Variants in SLC1A6 observed in about 807,000 individuals in gnomAD.
The protein encoded by SLC1A6 is excitatory amino acid transporter 4.
A neutral mutation model predicts 42.1 loss-of-function variants in SLC1A6; 15 were observed. The ratio of observed to expected loss-of-function variants is 0.36; its 90% CI spans 0.24 to 0.55. The LOEUF is 0.55. Among genes scored for constraint, SLC1A6 ranks in the 20% least tolerant of loss-of-function variants. The probability of loss-of-function intolerance (pLI) is 0.88; values close to 1 mark genes in which losing one functional copy is unlikely to be tolerated. For missense variants in SLC1A6, 542 were observed against 772.5 expected (o/e 0.70, Z 3.54); for synonymous variants, 317 against 319.7 (o/e 0.99, Z 0.09).
At chr19:14,992,956 C>T (rs564359227) in intron 1 of SLC1A6, among the ~76,000 whole-genome samples, 98 of 152,190 alleles carry the variant, frequency 6.4e-4, no homozygotes, top group Middle Eastern at 3.4e-3. Flanking sequence ...ATCCCCGCAG[C>T]CCCCAGAGTC....
At chr19:15,000,317 A>T (rs1272526886) in intron 1 of SLC1A6, among the ~76,000 whole-genome samples, 1 of 152,170 alleles carries the variant, frequency 6.6e-6, no homozygotes, top group East Asian at 1.9e-4. Context: ...GATCTGTTGA[A>T]CTTATTCTTC....
In SLC1A6 at chr19:14,979,839, A is replaced by G. The variant is rs8110334; in HGVS notation, c.-538T>C. On this transcript the variant is annotated 5_prime_UTR_variant, in exon 1 of 10. Coordinates refer to ENST00000594383, the MANE Select transcript of SLC1A6 (RefSeq NM_005071.3). This position sits in a 1 kb window ranked among gnomAD's most constrained non-coding sequence, Gnocchi z 4.2. ...CGCAGCCGTGTGGGAGAAGGGGGAC[A>G]GCGTGCTTGCGAAGGGAGGGGGACT... 7.3e-6 allele frequency: 1 copy of G among 137,542 alleles called. No individual in the cohort carries two copies. Among genetic ancestry groups the G allele is most frequent in the African/African-American group, 2.7e-5 (1 of 37,684 alleles). The allele number at this position is 137,542 out of a possible 1,614,324, so 8.5% of individuals were successfully genotyped here.
At chr19:15,007,229 G>A (rs1009304956) in intron 1 of SLC1A6, among the ~76,000 whole-genome samples, 6 of 152,206 alleles carry the variant, frequency 3.9e-5, no homozygotes, top group Admixed American at 2.0e-4. Flanking sequence ...GCACTGATCC[G>A]TGCTACAACA....
intron 6 of SLC1A6, 140 bp from the exon 7 acceptor site, chr19:14,956,849 G>A (rs1268748605): frequency 2.4e-5 from 14 of 592,146 alleles, no homozygotes; most frequent in Non-Finnish European, 4.2e-5. Flanking sequence ...CTCCATCCCA[G>A]TCTTCCCCGT....
At position 14,996,528 on chromosome 19, in the gene SLC1A6, T is replaced by TTTCTTCTTCTTCCTC. The variant is rs2045846947; in HGVS notation, c.6+13956_6+13957insGAGGAAGAAGAAGAA. ...CCTCCTCCTCCCTCTCCTCCTCCTC[T>TTTCTTCTTCTTCCTC]TTCTTCTTCTTCTTCTTCTTCTTCT... On this transcript the variant is annotated intron_variant, in intron 1 of 8. Coordinates refer to the SLC1A6 transcript ENST00000430939. 7.9e-5 allele frequency among the ~76,000 whole-genome samples: 10 copies of TTTCTTCTTCTTCCTC among 125,952 alleles called. No individual in the cohort carries two copies. In the South Asian group the frequency reaches 2.1e-3, roughly 27 times the overall value. 82.6% of individuals were successfully genotyped at this position (125,952 alleles called of 152,430 possible).
chr19:14,996,334 G>A (rs1000213373), intron 1 of SLC1A6, among the ~76,000 whole-genome samples: 1 of 152,214 alleles, frequency 6.6e-6, no homozygotes, highest in African/African-American at 2.4e-5. Context: ...TGTTTGATGG[G>A]CACTGAGTTT....
At chr19:14,993,525 G>A (rs550947078) in intron 1 of SLC1A6, among the ~76,000 whole-genome samples, 88 of 152,168 alleles carry the variant, frequency 5.8e-4, no homozygotes, top group African/African-American at 2.1e-3. Context: ...CTTTCTGCCC[G>A]GCATTGTACT....
intron 1 of SLC1A6, among the ~76,000 whole-genome samples, chr19:14,976,026 C>G (rs763029615): frequency 1.3e-5 from 2 of 152,130 alleles, no homozygotes; most frequent in Non-Finnish European, 2.9e-5. Context: ...TGCCCTTCTT[C>G]CAGGCATACT....
At chr19:14,986,622 CCT>C (rs2045794131) in intron 1 of SLC1A6, among the ~76,000 whole-genome samples, 2 of 151,176 alleles carry the variant, frequency 1.3e-5, no homozygotes, top group Non-Finnish European at 2.9e-5. Context: ...ACAGGGTCTC[CCT>C]CTGTCACCCA....
At position 14,972,729 on chromosome 19, in the gene SLC1A6, A is replaced by G. The variant is rs1158332022; in HGVS notation, c.182T>C (p.Leu61Pro). 1 of 1,614,030 alleles carries G rather than the reference A, an allele frequency of 6.2e-7. No individual in the cohort carries two copies. The highest frequency in any genetic ancestry group is 1.3e-5 in the African/African-American group (1 of 75,076). The change falls in exon 2 of 10, where the codon CTG becomes CCG. Residue 61 changes from leucine to proline, a missense_variant. By Grantham distance (98) the Leu-to-Pro change is moderately conservative. Transcript: ENST00000594383. The part of the protein sequence containing the change: ...RFLRRNAFIL[L>P]TVSAVVIGVS... ...ACCAATGACCACGGCGCTGACCGTC[A>G]GCAGAATGAAGGCGTTTCGGCGCAG...
rs560317361 is a variant in SLC1A6, at chr19:14,970,727, T to C, written c.343+1010A>G. Among the ~76,000 whole-genome samples the C allele has an allele frequency of 1.9e-4, 28 of 150,802 alleles. No homozygotes were observed. In the South Asian group the frequency reaches 4.4e-3, roughly 24 times the overall value. On this transcript the variant is annotated intron_variant, in intron 3 of 9. Coordinates refer to ENST00000594383, the MANE Select transcript of SLC1A6 (RefSeq NM_005071.3). Reference sequence around the variant, plus strand: ...CTCTGTCTCAAAAAAAAAAAGAATATAGTATATAATACTTACAGCATACAA... The same window carrying C: ...CTCTGTCTCAAAAAAAAAAAGAATACAGTATATAATACTTACAGCATACAA...
intron 1 of SLC1A6, among the ~76,000 whole-genome samples, chr19:14,984,912 C>T (rs1048328170): frequency 6.6e-6 from 1 of 152,120 alleles, no homozygotes; most frequent in African/African-American, 2.4e-5. Context: ...GATAGAGTCT[C>T]GCTCTGCTGC....
In SLC1A6 at chr19:14,968,453, A is replaced by G; in HGVS notation, c.398T>C (p.Val133Ala). 6.2e-7 allele frequency: 1 copy of G among 1,613,520 alleles called. No individual in the cohort carries two copies. The highest frequency in any genetic ancestry group is 8.5e-7 in the Non-Finnish European group (1 of 1,179,794). ...ATGRMGMRAA[V>A]YYMVTTIIAV... ...GATGATGGTGGTCACCATGTAGTACACAGCTGCCCGCATCCCCATCCGCCC... is the reference window on the plus strand; with the variant it reads ...GATGATGGTGGTCACCATGTAGTACGCAGCTGCCCGCATCCCCATCCGCCC... The change falls in exon 4 of 10, where the codon GTG becomes GCG. Residue 133 changes from valine to alanine, a missense_variant. Val to Ala is a moderately conservative substitution (Grantham distance 64). This residue lies in a region of SLC1A6 where 298 missense variants were observed against 419.4 expected (regional missense o/e 0.71). Transcript: ENST00000594383.
intron 1 of SLC1A6, among the ~76,000 whole-genome samples, chr19:15,003,339 C>T (rs967758896): frequency 7.2e-5 from 11 of 152,196 alleles, no homozygotes; most frequent in African/African-American, 2.7e-4. Context: ...CCTTGTCACT[C>T]ACTGACCAGC....
intron 1 of SLC1A6, among the ~76,000 whole-genome samples, chr19:14,976,202 G>A (rs1160983952): frequency 3.3e-5 from 5 of 152,084 alleles, no homozygotes. Context: ...ACAAATCATT[G>A]TATCAAAAGG....
At chr19:14,969,059 C>T (rs1487383227) in intron 3 of SLC1A6, among the ~76,000 whole-genome samples, 6 of 152,066 alleles carry the variant, frequency 3.9e-5, no homozygotes, top group African/African-American at 1.2e-4. Flanking sequence ...AGGCTGGTCT[C>T]GAACTCCTGA....
intron 1 of SLC1A6, among the ~76,000 whole-genome samples, chr19:15,007,701 G>C (rs970018754): frequency 2.0e-5 from 3 of 152,066 alleles, no homozygotes; most frequent in African/African-American, 7.2e-5. Flanking sequence ...GAGGCTCTTA[G>C]AGTCAATCAT....
At chr19:15,004,513 G>T (rs1035387569) in intron 1 of SLC1A6, among the ~76,000 whole-genome samples, 1 of 134,356 alleles carries the variant, frequency 7.4e-6, no homozygotes, top group South Asian at 2.3e-4. Flanking sequence ...ACCCAGACTG[G>T]GCAACATAGC....
intron 1 of SLC1A6, chr19:14,974,528 G>C (rs1270735812): frequency 6.6e-6 from 1 of 151,674 alleles, no homozygotes; most frequent in Non-Finnish European, 1.5e-5. Flanking sequence ...CACGTGTACA[G>C]GGCGGCTCAG....
Sources: gnomAD v4.1 joint callset for allele counts (sites outside exome capture counted in the v4.1 genomes callset) on GRCh38, gnomAD v4.1.1 for gene constraint, gnomAD v4.1.1 regional missense constraint, Gnocchi (gnomAD v3.1) non-coding constraint, MANE v1.5 for transcripts, NCBI Gene and HGNC (gene_info 2026-07-23, HGNC 2026-07-21) for gene names.